Variants in MUC5B observed in about 807,000 individuals in gnomAD.
MUC5B encodes the protein mucin 5B, oligomeric mucus/gel-forming, also known as mucin-5B.
In MUC5B, 116 loss-of-function variants were observed where a neutral mutation model predicts 376.9. That is an observed-to-expected ratio of 0.31 (90% CI 0.26 to 0.36). The LOEUF is 0.36. Among genes scored for constraint, MUC5B ranks in the 10% least tolerant of loss-of-function variants. MUC5B has a pLI of 1.00. For missense variants in MUC5B, 7,165 were observed against 7,769.9 expected (o/e 0.92, Z 2.93); for synonymous variants, 3,517 against 3,390.9 (o/e 1.04, Z -1.29).
Position 1,242,897 on chromosome 11 carries a change from C to A in MUC5B, c.6017C>A (p.Ser2006Tyr), listed in dbSNP as rs2133826112. Reference protein sequence around the residue: ...SQTTTPTATMSTATPSSTPET... With the variant: ...SQTTTPTATMYTATPSSTPET... Reference sequence around the variant, plus strand: ...ACCACCACACCCACGGCCACCATGTCCACAGCCACACCCTCCTCCACTCCA... The same window carrying A: ...ACCACCACACCCACGGCCACCATGTACACAGCCACACCCTCCTCCACTCCA... Residue 2006 changes from serine to tyrosine, a missense_variant, in exon 31 of 49, where the codon TCC becomes TAC. Physicochemically the swap from Ser to Tyr is moderately radical, Grantham distance 144. Transcript: ENST00000529681. 2 of 1,613,762 alleles carry A rather than the reference C, an allele frequency of 1.2e-6. No individual in the cohort carries two copies. Among genetic ancestry groups the A allele is most frequent in the Middle Eastern group, 1.7e-4 (1 of 6,060 alleles).
In MUC5B at chr11:1,243,374, C is replaced by A. The variant is rs979734797; in HGVS notation, c.6494C>A (p.Thr2165Asn). The change falls in exon 31 of 49, where the codon ACC becomes AAC. Residue 2165 changes from threonine to asparagine, a missense_variant. Transcript: ENST00000529681. The stretch of plus-strand genomic sequence containing the variant: ...CCCATCCCCCCAGTGCTGACCACCA[C>A]CGCCACCACACCTGCAGCCACCAGC... ...TTPIPPVLTT[T>N]ATTPAATSNT... 6.5e-7 allele frequency: 1 copy of A among 1,529,632 alleles called. No homozygotes were observed. Among genetic ancestry groups the A allele is most frequent in the Admixed American group, 2.0e-5 (1 of 51,148 alleles). The allele number at this position is 1,529,632 out of a possible 1,614,324, so 94.8% of individuals were successfully genotyped here.
In MUC5B at chr11:1,246,668, C is replaced by T. The variant is rs1590183144; in HGVS notation, c.9788C>T (p.Ser3263Phe). ...ACCACCACACCCACGGCCACCATGT[C>T]CACAGCCACACCCTCCTCTACTCCA... ...SQTTTPTATM[S>F]TATPSSTPET... Residue 3263 changes from serine to phenylalanine, a missense_variant, in exon 31 of 49, where the codon TCC becomes TTC. Transcript: ENST00000529681. 6.2e-7 allele frequency: 1 copy of T among 1,611,378 alleles called. No individual in the cohort carries two copies. Among genetic ancestry groups the T allele is most frequent in the Non-Finnish European group, 8.5e-7 (1 of 1,178,166 alleles).
At position 1,235,409 on chromosome 11, in the gene MUC5B, T is replaced by A; in HGVS notation, c.2876T>A (p.Val959Glu). ...TTCSKAIKLFVESYELILQEG... is the reference protein window; with the variant it reads ...TTCSKAIKLFEESYELILQEG... Reference sequence around the variant, plus strand: ...TGCTCCAAGGCCATCAAGCTCTTCGTGGAGGTGAGAACGGCCCCAGCTGTG... The same window carrying A: ...TGCTCCAAGGCCATCAAGCTCTTCGAGGAGGTGAGAACGGCCCCAGCTGTG... The change falls in exon 23 of 49, where the codon GTG becomes GAG. Residue 959 changes from valine (V) to glutamate (E), a missense_variant. Transcript: ENST00000529681. The A allele has an allele frequency of 6.2e-7, 1 of 1,610,126 alleles. No homozygotes were observed. Among genetic ancestry groups the A allele is most frequent in the Non-Finnish European group, 8.5e-7 (1 of 1,179,304 alleles).
At position 1,246,525 on chromosome 11, in the gene MUC5B, T is replaced by A. The variant is rs746736465; in HGVS notation, c.9645T>A (p.Ser3215Arg). 3 of 1,607,988 alleles carry A rather than the reference T, an allele frequency of 1.9e-6. No homozygotes were observed. Among genetic ancestry groups the A allele is most frequent in the Non-Finnish European group, 2.5e-6 (3 of 1,178,078 alleles). The change falls in exon 31 of 49, where the codon AGT becomes AGA. Residue 3215 changes from serine to arginine, a missense_variant. Ser to Arg is a moderately radical substitution (Grantham distance 110, BLOSUM62 -1). Around this residue, in one of 31 missense-constraint regions of MUC5B, gnomAD observed 939 missense variants for 770.6 expected, o/e 1.22. Coordinates refer to ENST00000529681, the MANE Select transcript of MUC5B (RefSeq NM_002458.3). ...GCTCCAGAGCCACTCCCTCCTCCAGTCCAGGGACTGCAACCGCCCTTCCAG... is the reference window on the plus strand; with the variant it reads ...GCTCCAGAGCCACTCCCTCCTCCAGACCAGGGACTGCAACCGCCCTTCCAG... Reference protein sequence around the residue: ...VISSRATPSSSPGTATALPAL... With the variant: ...VISSRATPSSRPGTATALPAL...
Position 1,250,269 on chromosome 11 carries a change from C to T in MUC5B, c.13389C>T (p.Thr4463=), listed in dbSNP as rs199975524. 0.022 allele frequency: 34,633 copies of T among 1,595,190 alleles called. 80 individuals carry two copies. The highest frequency in any genetic ancestry group is 0.025 in the Non-Finnish European group (29,187 of 1,166,762). Residue 4463 remains threonine (T), a synonymous_variant, in exon 31 of 49, where the codon ACC becomes ACT. Transcript: ENST00000529681. ...PSTTATVTVP[T]GSTATASSTQ... Reference sequence around the variant, plus strand: ...CTACAGCCACCGTGACGGTGCCCACCGGATCCACGGCCACCGCCTCCTCCA... The same window carrying T: ...CTACAGCCACCGTGACGGTGCCCACTGGATCCACGGCCACCGCCTCCTCCA...
Position 1,249,827 on chromosome 11 carries a change from C to G in MUC5B, c.12947C>G (p.Thr4316Ser), listed in dbSNP as rs748536429. The change falls in exon 31 of 49, where the codon ACC becomes AGC. Residue 4316 changes from threonine (T) to serine (S), a missense_variant. This residue lies in a region of MUC5B where 431 missense variants were observed against 390.4 expected (regional missense o/e 1.10). Coordinates refer to ENST00000529681, the MANE Select transcript of MUC5B (RefSeq NM_002458.3). ...TTLPVLTSTA[T>S]KSTATSVTPI... ...CTTCCAGTGCTGACAAGCACAGCCA[C>G]CAAATCCACAGCTACCAGCGTTACA... 8.7e-6 allele frequency: 14 copies of G among 1,613,542 alleles called. No homozygotes were observed. The highest frequency in any genetic ancestry group is 1.1e-5 in the Non-Finnish European group (13 of 1,179,768).
Position 1,242,459 on chromosome 11 carries a change from AAGACC to A in MUC5B, c.5584_5588del (p.Gln1862ArgfsTer17). On this transcript the variant is annotated frameshift_variant, in exon 31 of 49. Coordinates refer to ENST00000529681, the MANE Select transcript of MUC5B (RefSeq NM_002458.3). LOFTEE classifies it high-confidence loss of function. ...GAGACGGGGCTGACCTGCAAGAACG[AAGACC>A]AGACAGGCAGGTTCAACATGTGCTT... 1 of 1,613,772 alleles carries A rather than the reference AAGACC, an allele frequency of 6.2e-7. No homozygotes were observed. The highest frequency in any genetic ancestry group is 8.5e-7 in the Non-Finnish European group (1 of 1,179,798).
rs1328538090 is a variant in MUC5B, at chr11:1,246,702, C to T, written c.9822C>T (p.Val3274=). Residue 3274 remains valine, a synonymous_variant, in exon 31 of 49, where the codon GTC becomes GTT. Coordinates refer to ENST00000529681, the MANE Select transcript of MUC5B (RefSeq NM_002458.3). ...TATPSSTPET[V]HTSTVLTTTT... ...CACCCTCCTCTACTCCAGAGACTGT[C>T]CACACCTCCACAGTGCTTACCACCA... is the stretch of plus-strand genomic sequence containing the variant. 1 of 1,610,122 alleles carries T rather than the reference C, an allele frequency of 6.2e-7. No individual in the cohort carries two copies. The highest frequency in any genetic ancestry group is 1.7e-5 in the Admixed American group (1 of 59,904).
At chr11:1,238,353 G>A (rs1480804711) in intron 25 of MUC5B, among the ~76,000 whole-genome samples, 2 of 152,236 alleles carry the variant, frequency 1.3e-5, no homozygotes, top group Non-Finnish European at 2.9e-5. Context: ...AAGGCGGTGG[G>A]TGCTGGGTGG....
At chr11:1,259,722 G>C (rs1353181825) in intron 44 of MUC5B, 34 bp from the exon 45 acceptor site, 1 of 1,607,012 alleles carries the variant, frequency 6.2e-7, no homozygotes, top group African/African-American at 1.3e-5. Context: ...CTGGAGGAGA[G>C]GGTTAGGGCC....
chr11:1,254,773 T>G lies in MUC5B; in HGVS notation c.15557T>G (p.Met5186Arg). Residue 5186 changes from methionine (M) to arginine (R), a missense_variant, in exon 35 of 49, where the codon ATG becomes AGG. Transcript: ENST00000529681. The stretch of plus-strand genomic sequence containing the variant: ...GTGTCTGTGCTGGGGACCACCACCA[T>G]GCGTGTGGACATTCCTGCCCTGGGC... ...VLVSVLGTTT[M>R]RVDIPALGVS... 1.9e-6 allele frequency: 3 copies of G among 1,612,834 alleles called. No homozygotes were observed. The highest frequency in any genetic ancestry group is 2.5e-6 in the Non-Finnish European group (3 of 1,179,782).
chr11:1,249,295 G>T lies in MUC5B; in HGVS notation c.12415G>T (p.Asp4139Tyr). The change falls in exon 31 of 49, where the codon GAC (aspartate) becomes TAC (tyrosine). Residue 4139 changes from aspartate to tyrosine, a missense_variant. Asp to Tyr is a radical substitution (Grantham distance 160). Coordinates refer to ENST00000529681, the MANE Select transcript of MUC5B (RefSeq NM_002458.3). ...CCAGTGTGCCTGGTCAGAGTGGCTG[G>T]ACTACAGCTACCCCATGCCGGGGCC... is the stretch of plus-strand genomic sequence containing the variant. ...EPQCAWSEWL[D>Y]YSYPMPGPSG... is the part of the protein sequence containing the mutation. The T allele has an allele frequency of 6.2e-7, 1 of 1,611,192 alleles. No individual in the cohort carries two copies. Among genetic ancestry groups the T allele is most frequent in the Non-Finnish European group, 8.5e-7 (1 of 1,179,532 alleles).
At chr11:1,228,446 C>T in intron 7 of MUC5B, 118 bp from the exon 8 acceptor site, 2 of 999,438 alleles carry the variant, frequency 2.0e-6, no homozygotes, top group Non-Finnish European at 2.9e-6. Context: ...GGGCTGGGTA[C>T]AAGGAACCCC....
rs1301088632 is a variant in MUC5B at position 1,251,196 on chromosome 11, G to T, written c.14316G>T (p.Met4772Ile). Residue 4772 changes from methionine to isoleucine, a missense_variant, in exon 31 of 49, where the codon ATG (methionine) becomes ATT (isoleucine). By Grantham distance (10) the Met-to-Ile change is conservative. Around this residue, in one of 31 missense-constraint regions of MUC5B, gnomAD observed 730 missense variants for 592.7 expected, o/e 1.23. Transcript: ENST00000529681. ...WTVPAQTTTP[M>I]STMSTIHTSS... is the part of the protein sequence containing the mutation. Reference sequence around the variant, plus strand: ...TCCCAGCACAGACCACCACACCCATGTCCACCATGTCCACAATCCACACCT... The same window carrying T: ...TCCCAGCACAGACCACCACACCCATTTCCACCATGTCCACAATCCACACCT... The T allele has an allele frequency of 6.2e-7, 1 of 1,610,368 alleles. No homozygotes were observed. The highest frequency in any genetic ancestry group is 1.7e-4 in the Middle Eastern group (1 of 6,056).
At chr11:1,236,772 T>C (rs1175794132) in intron 24 of MUC5B, among the ~76,000 whole-genome samples, 153 bp from the exon 25 acceptor site, 1 of 152,148 alleles carries the variant, frequency 6.6e-6, no homozygotes, top group Non-Finnish European at 1.5e-5. Flanking sequence ...ACTGCACACC[T>C]GTCTCCTACA....
Position 1,251,153 on chromosome 11 carries a change from T to G in MUC5B, c.14273T>G (p.Leu4758Arg). ...TSFTPIPSST[L>R]WTTWTVPAQT... is the part of the protein sequence containing the mutation. ...TTTACACCCATCCCCTCCTCCACCCTGTGGACCACGTGGACCGTCCCAGCA... is the reference window on the plus strand; with the variant it reads ...TTTACACCCATCCCCTCCTCCACCCGGTGGACCACGTGGACCGTCCCAGCA... Residue 4758 changes from leucine to arginine, a missense_variant, in exon 31 of 49, where the codon CTG becomes CGG. Physicochemically the swap from Leu to Arg is moderately radical, Grantham distance 102 (BLOSUM62 -2). This residue lies in a region of MUC5B where 730 missense variants were observed against 592.7 expected (regional missense o/e 1.23). Coordinates refer to ENST00000529681, the MANE Select transcript of MUC5B (RefSeq NM_002458.3). 6.2e-7 allele frequency: 1 copy of G among 1,611,016 alleles called. No individual in the cohort carries two copies. Among genetic ancestry groups the G allele is most frequent in the Non-Finnish European group, 8.5e-7 (1 of 1,178,170 alleles).
chr11:1,225,737 G>C lies in MUC5B; in HGVS notation c.127G>C (p.Gly43Arg), dbSNP rs767431044. The change falls in exon 2 of 49, where the codon GGT (glycine) becomes CGT (arginine). Residue 43 changes from glycine (G) to arginine (R), a missense_variant and splice_region_variant. Physicochemically the swap from Gly to Arg is moderately radical, Grantham distance 125 (BLOSUM62 -2). Coordinates refer to ENST00000529681, the MANE Select transcript of MUC5B (RefSeq NM_002458.3). The part of the protein sequence containing the change: ...WENAGHTMDG[G>R]APTSSPTRRV... ...GAATGCAGGGCACACCATGGATGGC[G>C]GTATGTGGCCAGGTTCGGGGGTGGG... 6.2e-7 allele frequency: 1 copy of C among 1,605,436 alleles called. No individual in the cohort carries two copies. Among genetic ancestry groups the C allele is most frequent in the East Asian group, 2.2e-5 (1 of 44,550 alleles).
chr11:1,260,566 A>G lies in MUC5B; in HGVS notation c.16967-60A>G, dbSNP rs113650075. The G allele has an allele frequency of 6.8e-4, 1,026 of 1,519,728 alleles. 14 individuals carry two copies. In the African/African-American group the frequency reaches 0.012, roughly 18 times the overall value. 94.1% of individuals were successfully genotyped at this position (1,519,728 alleles called of 1,614,324 possible). On this transcript the variant is annotated intron_variant, in intron 47 of 48. Transcript: ENST00000529681. ...TCCCATGGGGAGGGTCGGCCCAGCA[A>G]GTCCAGGCCCTCAGAGTGAGGGTCC... is the stretch of plus-strand genomic sequence containing the variant.
chr11:1,253,047 C>T lies in MUC5B; in HGVS notation c.15217+67C>T, dbSNP rs1219270123. Reference sequence around the variant, plus strand: ...GGAGCAGAGTGCACCGTCGGCTAGGCTGGCAGAATGGGGCATGGTGGGGCA... The same window carrying T: ...GGAGCAGAGTGCACCGTCGGCTAGGTTGGCAGAATGGGGCATGGTGGGGCA... On this transcript the variant is annotated intron_variant, in intron 33 of 48. Transcript: ENST00000529681. The surrounding 1 kb of genome is among the most constrained non-coding windows in gnomAD (Gnocchi z 4.3). 2.1e-6 allele frequency: 3 copies of T among 1,419,892 alleles called. No homozygotes were observed. Among genetic ancestry groups the T allele is most frequent in the East Asian group, 3.5e-5 (1 of 28,858 alleles). 88.0% of individuals were successfully genotyped at this position (1,419,892 alleles called of 1,614,324 possible).
Sources: gnomAD v4.1 joint callset for allele counts (sites outside exome capture counted in the v4.1 genomes callset) on GRCh38, gnomAD v4.1.1 for gene constraint, gnomAD v4.1.1 regional missense constraint, Gnocchi (gnomAD v3.1) non-coding constraint, MANE v1.5 for transcripts, NCBI Gene and HGNC (gene_info 2026-07-23, HGNC 2026-07-21) for gene names.